The following MPP7 variants were observed in gnomAD, a reference collection of about 807,000 sequenced individuals.
MPP7 encodes MAGUK p55 subfamily member 7.
A neutral mutation model predicts 76.5 loss-of-function variants in MPP7; 60 were observed. The ratio of observed to expected loss-of-function variants is 0.78; its 90% CI spans 0.64 to 0.97. The LOEUF (loss-of-function observed/expected upper bound fraction) is 0.97, where lower values mean the gene tolerates loss of function less well. MPP7 is among the 50% of genes least tolerant of loss of function. MPP7 has a pLI of 0.00. For synonymous variants in MPP7, 237 were observed against 244.5 expected (o/e 0.97, Z 0.29); for missense variants, 641 against 694.0 (o/e 0.92, Z 0.86).
At chr10:28,260,074 A>C (rs1173747728) in intron 1 of MPP7, among the ~76,000 whole-genome samples, 5 of 152,238 alleles carry the variant, frequency 3.3e-5, no homozygotes, top group Non-Finnish European at 5.9e-5. Flanking sequence ...CATACTTAGG[A>C]AACATTGATA....
chr10:28,087,388 T>A (rs72801890), intron 12 of MPP7, among the ~76,000 whole-genome samples: 18,050 of 151,614 alleles, frequency 0.12, 1,714 homozygotes, highest in East Asian at 0.5. Flanking sequence ...AACACATGCC[T>A]TTTTTTTTCT....
At chr10:28,310,002 C>CT (rs770667750) in intron 2 of MPP7, among the ~76,000 whole-genome samples, 11,021 of 111,302 alleles carry the variant, frequency 0.099, 509 homozygotes, top group African/African-American at 0.12. Flanking sequence ...CCAATTAAAC[C>CT]TTTTTTTTTT....
At position 28,053,423 on chromosome 10, in the gene MPP7, A is replaced by C. The variant is rs1306976773; in HGVS notation, c.*642T>G. The C allele has an allele frequency of 6.6e-6, 1 of 152,160 alleles. No homozygotes were observed. The highest frequency in any genetic ancestry group is 1.5e-5 in the Non-Finnish European group (1 of 68,032). 9.4% of individuals were successfully genotyped at this position (152,160 alleles called of 1,614,324 possible). ...TTCCCTTATTAAATGTTGTTGAGTCACTGACAGGTACTCAAAAGGACTTCT... is the reference window on the plus strand; with the variant it reads ...TTCCCTTATTAAATGTTGTTGAGTCCCTGACAGGTACTCAAAAGGACTTCT... On this transcript the variant is annotated 3_prime_UTR_variant, in exon 17 of 17. Coordinates refer to ENST00000683449, the MANE Select transcript of MPP7 (RefSeq NM_001318170.2).
At chr10:28,320,492 A>G (rs1342114630) in intron 2 of MPP7, among the ~76,000 whole-genome samples, 1 of 152,174 alleles carries the variant, frequency 6.6e-6, no homozygotes, top group African/African-American at 2.4e-5. Flanking sequence ...AAGTCAAATA[A>G]TTAAAATTAT....
At position 28,089,700 on chromosome 10, in the gene MPP7, T is replaced by C. The variant is rs369734959; in HGVS notation, c.1094A>G (p.Asn365Ser). ...EEVTPYRRQT[N>S]EKYRLVVLVG... ...CAAGACAACGAGTCTGTATTTTTCA[T>C]TAGTTTGTCGCCGATACGGTGTCAC... is the stretch of plus-strand genomic sequence containing the variant. The change falls in exon 12 of 17, where the codon AAT becomes AGT. Residue 365 changes from asparagine to serine, a missense_variant. By Grantham distance (46) the Asn-to-Ser change is conservative. Transcript: ENST00000683449. The C allele has an allele frequency of 6.2e-6, 10 of 1,613,544 alleles. No homozygotes were observed. Among genetic ancestry groups the C allele is most frequent in the Non-Finnish European group, 7.6e-6 (9 of 1,179,776 alleles).
chr10:28,310,369 C>T (rs926122170), intron 2 of MPP7, among the ~76,000 whole-genome samples: 2 of 152,088 alleles, frequency 1.3e-5, no homozygotes. Flanking sequence ...TAACACACAG[C>T]CAGTTCTTCC....
intron 3 of MPP7, among the ~76,000 whole-genome samples, chr10:28,163,270 C>T (rs1044243980): frequency 2.6e-5 from 4 of 152,130 alleles, no homozygotes; most frequent in African/African-American, 7.2e-5. Context: ...AGAGCCTTTC[C>T]CAACTTAGGG....
intron 13 of MPP7, among the ~76,000 whole-genome samples, chr10:28,067,617 C>T (rs1852044404): frequency 6.6e-6 from 1 of 152,170 alleles, no homozygotes; most frequent in Admixed American, 6.5e-5. Flanking sequence ...ATATTGTCAA[C>T]TTCTATAACA....
chr10:28,236,338 G>C (rs1236772834), intron 2 of MPP7, among the ~76,000 whole-genome samples: 1 of 152,138 alleles, frequency 6.6e-6, no homozygotes, highest in Non-Finnish European at 1.5e-5. Context: ...TGTATAGAGA[G>C]ATATAGATAA....
intron 2 of MPP7, among the ~76,000 whole-genome samples, chr10:28,230,992 T>C (rs1307812842): frequency 2.6e-5 from 4 of 152,146 alleles, no homozygotes; most frequent in African/African-American, 7.2e-5. Context: ...TTTGGCCTAA[T>C]AGACACATAT....
chr10:28,077,520 G>A (rs888202890), intron 12 of MPP7, among the ~76,000 whole-genome samples: 6 of 152,122 alleles, frequency 3.9e-5, no homozygotes, highest in Non-Finnish European at 2.9e-5. Context: ...AAAGACCACA[G>A]CTCAGATGCA....
At chr10:28,155,923 G>A (rs1246246458) in intron 3 of MPP7, among the ~76,000 whole-genome samples, 1 of 152,096 alleles carries the variant, frequency 6.6e-6, no homozygotes, top group Non-Finnish European at 1.5e-5. Flanking sequence ...CCCCAAATCT[G>A]TTGTGAAATC....
Position 28,241,089 on chromosome 10 carries a change from C to T in MPP7, c.-131-2354G>A, listed in dbSNP as rs568687959. 2.6e-5 allele frequency among the ~76,000 whole-genome samples: 4 copies of T among 152,234 alleles called. No homozygotes were observed. In the South Asian group the frequency reaches 8.3e-4, roughly 32 times the overall value. On this transcript the variant is annotated intron_variant, in intron 1 of 16. Transcript: ENST00000683449. The stretch of plus-strand genomic sequence containing the variant: ...CTTTCTTCACAGCTTAAAGAACTTA[C>T]AATGTTTCATGCTTGTAAACCATAC...
At chr10:28,123,322 T>C (rs1045284540) in intron 8 of MPP7, among the ~76,000 whole-genome samples, 3 of 152,190 alleles carry the variant, frequency 2.0e-5, no homozygotes, top group African/African-American at 7.2e-5. Flanking sequence ...TAAATTAGTT[T>C]GACTAATTTG....
intron 11 of MPP7, among the ~76,000 whole-genome samples, chr10:28,114,554 C>T (rs945274697): frequency 6.6e-6 from 1 of 152,078 alleles, no homozygotes; most frequent in African/African-American, 2.4e-5. Context: ...CTGGATGTCA[C>T]TCTGCAAGGG....
chr10:28,329,649 A>C (rs1159517759), intron 2 of MPP7, among the ~76,000 whole-genome samples: 4 of 147,846 alleles, frequency 2.7e-5, no homozygotes, highest in Admixed American at 6.7e-5. Context: ...AAAAAAAAAA[A>C]AAACCACTAC....
At chr10:28,249,173 C>G (rs1055009223) in intron 1 of MPP7, among the ~76,000 whole-genome samples, 4 of 151,912 alleles carry the variant, frequency 2.6e-5, no homozygotes, top group African/African-American at 9.7e-5. Context: ...GTGTTTCTGC[C>G]TGTCCTCTTC....
chr10:28,063,762 C>T (rs988393278), intron 13 of MPP7, among the ~76,000 whole-genome samples: 1 of 152,156 alleles, frequency 6.6e-6, no homozygotes, highest in African/African-American at 2.4e-5. Flanking sequence ...GACACCATCC[C>T]CTCCTGCCCT....
In MPP7 at chr10:28,303,048, C is replaced by T. The variant is rs569134202; in HGVS notation, c.-319G>A. On this transcript the variant is annotated 5_prime_UTR_variant, in exon 1 of 17. Coordinates refer to ENST00000683449, the MANE Select transcript of MPP7 (RefSeq NM_001318170.2). ...GTGGGAGCCCGGCCCCCGCCTCCAG[C>T]CCGGCTAGTAACCAACACGGCCCCC... 4.6e-5 allele frequency among the ~76,000 whole-genome samples: 7 copies of T among 152,260 alleles called. No homozygotes were observed. In the East Asian group the frequency reaches 1.2e-3, roughly 25 times the overall value.
Sources: gnomAD v4.1 joint callset for allele counts (sites outside exome capture counted in the v4.1 genomes callset) on GRCh38, gnomAD v4.1.1 for gene constraint, MANE v1.5 for transcripts, NCBI Gene and HGNC (gene_info 2026-07-23, HGNC 2026-07-21) for gene names.